Variants in NR3C2 observed in about 807,000 individuals in gnomAD.
NR3C2 encodes mineralocorticoid receptor.
A neutral mutation model predicts 86.4 loss-of-function variants in NR3C2; 15 were observed. The ratio of observed to expected loss-of-function variants is 0.17; its 90% CI spans 0.12 to 0.27. NR3C2 has a LOEUF of 0.27. Ranked by LOEUF, NR3C2 falls within the 10% of genes least tolerant of loss-of-function variation. NR3C2 has a pLI of 1.00. For synonymous variants in NR3C2, 458 were observed against 450.5 expected (o/e 1.02, Z -0.21); for missense variants, 960 against 1,195.6 (o/e 0.80, Z 2.91).
At chr4:148,239,823 C>T (rs763569916) in intron 3 of NR3C2, among the ~76,000 whole-genome samples, 5 of 151,992 alleles carry the variant, frequency 3.3e-5, no homozygotes, top group Admixed American at 2.0e-4. Context: ...GGAACCTTTT[C>T]GAAGTTTTTG....
At chr4:148,101,749 CATT>C (rs1376524126) in intron 8 of NR3C2, among the ~76,000 whole-genome samples, 9 of 152,184 alleles carry the variant, frequency 5.9e-5, no homozygotes, top group Non-Finnish European at 8.8e-5. Flanking sequence ...AACACAAAGA[CATT>C]GTATATTCTC....
intron 2 of NR3C2, among the ~76,000 whole-genome samples, chr4:148,321,551 T>A (rs1416209003): frequency 1.3e-5 from 2 of 152,130 alleles, no homozygotes; most frequent in Admixed American, 6.6e-5. Context: ...GCTTCATGAA[T>A]CTTGGTGCTC....
intron 2 of NR3C2, among the ~76,000 whole-genome samples, chr4:148,350,597 C>T (rs1745226083): frequency 1.3e-5 from 2 of 152,168 alleles, no homozygotes; most frequent in South Asian, 4.1e-4. Context: ...CTCCTCAAAT[C>T]CATTTTTACA....
intron 2 of NR3C2, among the ~76,000 whole-genome samples, chr4:148,417,113 T>C (rs567702130): frequency 2.0e-5 from 3 of 152,282 alleles, no homozygotes; most frequent in African/African-American, 7.2e-5. Flanking sequence ...GTTCATGTCT[T>C]TTCCTTGTTT....
At chr4:148,273,215 C>G (rs1462264814) in intron 2 of NR3C2, among the ~76,000 whole-genome samples, 2 of 152,142 alleles carry the variant, frequency 1.3e-5, no homozygotes, top group Non-Finnish European at 2.9e-5. Context: ...AATGTTTCGA[C>G]TAGATTTCAA....
At chr4:148,379,570 T>C (rs772720726) in intron 2 of NR3C2, among the ~76,000 whole-genome samples, 1 of 152,166 alleles carries the variant, frequency 6.6e-6, no homozygotes, top group African/African-American at 2.4e-5. Context: ...TAAGGAACCA[T>C]TGATTTGTAA....
In NR3C2 at chr4:148,114,193, T is replaced by C. The variant is rs750060648; in HGVS notation, c.2710A>G (p.Arg904Gly). 1 of 1,613,842 alleles carries C rather than the reference T, an allele frequency of 6.2e-7. No homozygotes were observed. The change falls in exon 8 of 9, where the codon AGG (arginine) becomes GGG (glycine). Residue 904 changes from arginine to glycine, a missense_variant. Coordinates refer to ENST00000358102, the MANE Select transcript of NR3C2 (RefSeq NM_000901.5). ...TTGGGACACTTAGTTACCATCTTCCTCAGTTCTTTGATGTAATTTGTCCTC... is the reference window on the plus strand; with the variant it reads ...TTGGGACACTTAGTTACCATCTTCCCCAGTTCTTTGATGTAATTTGTCCTC... ...EMRTNYIKELRKMVTKCPNNS... is the reference protein window; with the variant it reads ...EMRTNYIKELGKMVTKCPNNS...
rs546734248 is a variant in NR3C2 at position 148,318,842 on chromosome 4, T to C, written c.1758-58725A>G. 3.9e-5 allele frequency among the ~76,000 whole-genome samples: 6 copies of C among 152,202 alleles called. No individual in the cohort carries two copies. In the East Asian group the frequency reaches 9.6e-4, roughly 24 times the overall value. ...TTTGTAGGTTGCCTGATCACTCTGA[T>C]GGTAGTTTCTTTTGCTGTGCAGAAG... On this transcript the variant is annotated intron_variant, in intron 2 of 8. Transcript: ENST00000358102.
At chr4:148,334,144 A>C (rs1331776851) in intron 2 of NR3C2, among the ~76,000 whole-genome samples, 1 of 152,232 alleles carries the variant, frequency 6.6e-6, no homozygotes, top group Non-Finnish European at 1.5e-5. Context: ...AAAATTATGA[A>C]GAATACTAGG....
intron 2 of NR3C2, among the ~76,000 whole-genome samples, chr4:148,381,611 T>C (rs897016266): frequency 2.0e-5 from 3 of 152,188 alleles, no homozygotes; most frequent in African/African-American, 7.2e-5. Context: ...TGTAGAGTAA[T>C]CTTTAAAACA....
intron 2 of NR3C2, among the ~76,000 whole-genome samples, chr4:148,319,815 G>T (rs529272275): frequency 6.7e-6 from 1 of 148,434 alleles, no homozygotes; most frequent in African/African-American, 2.6e-5. Flanking sequence ...CAATCATGTC[G>T]TCTGCAAACA....
At chr4:148,394,469 C>T (rs988732820) in intron 2 of NR3C2, among the ~76,000 whole-genome samples, 1 of 150,510 alleles carries the variant, frequency 6.6e-6, no homozygotes, top group African/African-American at 2.5e-5. Context: ...TGCTTGATCC[C>T]AAGAGTTCAA....
At chr4:148,294,669 T>C (rs13147775) in intron 2 of NR3C2, among the ~76,000 whole-genome samples, 31,260 of 117,636 alleles carry the variant, frequency 0.27, 4,101 homozygotes, top group East Asian at 0.49. Flanking sequence ...CTAAAAGTCC[T>C]CATTGATATA....
At chr4:148,101,206 G>A (rs6535581) in intron 8 of NR3C2, among the ~76,000 whole-genome samples, 40,285 of 152,126 alleles carry the variant, frequency 0.26, 6,193 homozygotes, top group African/African-American at 0.42. Context: ...AAACTCCTAT[G>A]TGGACATTCC....
At chr4:148,240,137 A>G (rs908490013) in intron 3 of NR3C2, among the ~76,000 whole-genome samples, 1 of 151,744 alleles carries the variant, frequency 6.6e-6, no homozygotes, top group Non-Finnish European at 1.5e-5. Context: ...AACCCAACCT[A>G]GCCAAAATAT....
At chr4:148,398,174 T>C (rs1380909279) in intron 2 of NR3C2, among the ~76,000 whole-genome samples, 1 of 152,202 alleles carries the variant, frequency 6.6e-6, no homozygotes, top group African/African-American at 2.4e-5. Flanking sequence ...CTTAATTTAA[T>C]TACATGTGCA....
At chr4:148,198,941 A>C (rs1351620744) in intron 3 of NR3C2, among the ~76,000 whole-genome samples, 2 of 151,734 alleles carry the variant, frequency 1.3e-5, no homozygotes, top group East Asian at 3.9e-4. Context: ...TTAGCCGGGC[A>C]TGGTGGCGGG....
upstream of NR3C2, chr4:148,444,339 C>A (rs1456771565): frequency 3.0e-6 from 3 of 985,296 alleles, no homozygotes; most frequent in East Asian, 3.4e-4. Context: ...CGATCACTCG[C>A]CCGCCACCCA....
At chr4:148,125,795 AAAAAG>A (rs570329771) in intron 6 of NR3C2, among the ~76,000 whole-genome samples, 8 of 152,248 alleles carry the variant, frequency 5.3e-5, no homozygotes, top group Middle Eastern at 3.2e-3. Flanking sequence ...AAGGAAAGGA[AAAAAG>A]AAAAGAGAAC....
Sources: gnomAD v4.1 joint callset for allele counts (sites outside exome capture counted in the v4.1 genomes callset) on GRCh38, gnomAD v4.1.1 for gene constraint, MANE v1.5 for transcripts, NCBI Gene and HGNC (gene_info 2026-07-23, HGNC 2026-07-21) for gene names.